Variants in MYLK observed in about 807,000 individuals in gnomAD.
MYLK encodes myosin light chain kinase, smooth muscle.
In MYLK, 106 loss-of-function variants were observed where a neutral mutation model predicts 203.4. The ratio of observed to expected loss-of-function variants is 0.52; its 90% CI spans 0.45 to 0.61. The LOEUF is 0.61. MYLK is among the 20% of genes least tolerant of loss of function. The pLI, the probability that MYLK is intolerant of heterozygous loss-of-function variation, is 0.00. For synonymous variants in MYLK, 867 were observed against 959.5 expected, an observed-to-expected ratio of 0.90 and a Z score of 1.78; for missense variants, 2,072 against 2,442.3, an observed-to-expected ratio of 0.85 and a Z score of 3.20.
intron 3 of MYLK, among the ~76,000 whole-genome samples, chr3:123,827,694 C>CATATATATATAT (rs3052386): frequency 4.1e-5 from 1 of 24,310 alleles, no homozygotes. Flanking sequence ...TGAAAAACAC[C>CATATATATATAT]ATATATATAT....
intron 1 of MYLK, among the ~76,000 whole-genome samples, chr3:123,883,423 C>G (rs1485880977): frequency 6.6e-6 from 1 of 152,114 alleles, no homozygotes; most frequent in Non-Finnish European, 1.5e-5. Flanking sequence ...GCCCCGCACC[C>G]CAACACACAC....
At chr3:123,655,336 T>C (rs2059359186) in intron 24 of MYLK, among the ~76,000 whole-genome samples, 1 of 152,172 alleles carries the variant, frequency 6.6e-6, no homozygotes, top group Non-Finnish European at 1.5e-5. Context: ...CTCTCAGTCC[T>C]TTCTCCTGGT....
chr3:123,773,788 A>G (rs2063965503), intron 4 of MYLK, among the ~76,000 whole-genome samples: 1 of 152,238 alleles, frequency 6.6e-6, no homozygotes, highest in Non-Finnish European at 1.5e-5. Flanking sequence ...AACACAGCCC[A>G]TCCATCACAC....
chr3:123,689,369 G>A (rs1268902484), intron 19 of MYLK, among the ~76,000 whole-genome samples: 2 of 152,156 alleles, frequency 1.3e-5, no homozygotes, highest in African/African-American at 4.8e-5. Flanking sequence ...CTCCCCACAG[G>A]GAGGACTGTT....
chr3:123,618,369 T>G (rs550431835), intron 33 of MYLK: 1 of 456,366 alleles, frequency 2.2e-6, no homozygotes, highest in Non-Finnish European at 4.1e-6. Flanking sequence ...CAAGGCCATT[T>G]CTAAACTTAG....
intron 4 of MYLK, among the ~76,000 whole-genome samples, chr3:123,755,048 T>A (rs985066069): frequency 1.1e-4 from 17 of 152,224 alleles, no homozygotes; most frequent in Admixed American, 1.1e-3. Flanking sequence ...AACCCTTTCC[T>A]ACAGAAGGTG....
intron 5 of MYLK, among the ~76,000 whole-genome samples, chr3:123,749,095 A>ATACG (rs1488234738): frequency 6.6e-6 from 1 of 151,302 alleles, no homozygotes; most frequent in East Asian, 1.9e-4. Flanking sequence ...ACATACATAC[A>ATACG]TACATACATA....
intron 23 of MYLK, among the ~76,000 whole-genome samples, chr3:123,660,289 G>A (rs559436826): frequency 6.6e-6 from 1 of 152,358 alleles, no homozygotes; most frequent in East Asian, 1.9e-4. Flanking sequence ...TTAAGCCTGA[G>A]CTGAGCATTA....
At chr3:123,712,598 C>T (rs2061740179) in intron 13 of MYLK, among the ~76,000 whole-genome samples, 1 of 152,232 alleles carries the variant, frequency 6.6e-6, no homozygotes, top group South Asian at 2.1e-4. Flanking sequence ...GGACTAAAAG[C>T]CTATCTGCCT....
At chr3:123,714,567 A>G (rs820344) in intron 13 of MYLK, among the ~76,000 whole-genome samples, 149,480 of 152,196 alleles carry the variant, frequency 0.98, 73,456 homozygotes, top group Middle Eastern at 1. Context: ...TGCTTTGCTG[A>G]GACCCAGTGA....
intron 20 of MYLK, among the ~76,000 whole-genome samples, chr3:123,679,536 A>T (rs1252611553): frequency 6.6e-6 from 1 of 151,794 alleles, no homozygotes; most frequent in Non-Finnish European, 1.5e-5. Context: ...GGAGTAACAG[A>T]GATTGGAGGG....
At chr3:123,650,532 G>GT (rs1046624816) in intron 24 of MYLK, among the ~76,000 whole-genome samples, 17 of 152,184 alleles carry the variant, frequency 1.1e-4, no homozygotes, top group African/African-American at 3.6e-4. Flanking sequence ...ACAAAGCTTA[G>GT]TTTTTTTAAA....
chr3:123,667,694 G>A (rs1368622656), intron 20 of MYLK, among the ~76,000 whole-genome samples: 1 of 151,974 alleles, frequency 6.6e-6, no homozygotes, highest in Non-Finnish European at 1.5e-5. Context: ...AGACAAAAAA[G>A]AATATCAGTT....
At chr3:123,624,072 A>T (rs2058012075) in intron 31 of MYLK, 1 of 152,160 alleles carries the variant, frequency 6.6e-6, no homozygotes, top group Non-Finnish European at 1.5e-5. Flanking sequence ...TGGGCACTCA[A>T]CACTTCGGGC....
intron 24 of MYLK, among the ~76,000 whole-genome samples, chr3:123,650,943 G>A (rs2108217167): frequency 6.6e-6 from 1 of 152,280 alleles, no homozygotes; most frequent in South Asian, 2.1e-4. Flanking sequence ...CTGTCACAGG[G>A]CAAAGTGTGC....
chr3:123,787,931 G>T (rs969453328), intron 4 of MYLK, among the ~76,000 whole-genome samples: 2 of 152,190 alleles, frequency 1.3e-5, no homozygotes, highest in African/African-American at 4.8e-5. Context: ...TGGGCCAAGG[G>T]AGCAGGACCA....
intron 4 of MYLK, among the ~76,000 whole-genome samples, chr3:123,756,332 G>T (rs1357853414): frequency 2.6e-5 from 4 of 152,222 alleles, no homozygotes; most frequent in African/African-American, 9.6e-5. Context: ...CCATAAGCAA[G>T]TCTTGGGCTA....
chr3:123,764,436 G>A (rs899353129), intron 4 of MYLK, among the ~76,000 whole-genome samples: 1 of 152,152 alleles, frequency 6.6e-6, no homozygotes, highest in Non-Finnish European at 1.5e-5. Flanking sequence ...CCATAAAAAG[G>A]CATCTTCCTA....
At position 123,794,705 on chromosome 3, in the gene MYLK, C is replaced by T. The variant is rs567865118; in HGVS notation, c.-3-861G>A. Among the ~76,000 whole-genome samples the T allele has an allele frequency of 3.3e-4, 51 of 152,244 alleles. No individual in the cohort carries two copies. The South Asian group carries it at 8.7e-3, about 26-fold the overall frequency. ...AGGGGCTGACATGAGAAGTAACAGACGACTACTCATTAGAGCGATCGTCAA... is the reference window on the plus strand; with the variant it reads ...AGGGGCTGACATGAGAAGTAACAGATGACTACTCATTAGAGCGATCGTCAA... On this transcript the variant is annotated intron_variant, in intron 3 of 33. Transcript: ENST00000360304.
Sources: gnomAD v4.1 joint callset for allele counts (sites outside exome capture counted in the v4.1 genomes callset) on GRCh38, gnomAD v4.1.1 for gene constraint, MANE v1.5 for transcripts, NCBI Gene and HGNC (gene_info 2026-07-23, HGNC 2026-07-21) for gene names.